Variants in SLC24A3 observed in about 807,000 individuals in gnomAD.
SLC24A3 encodes the protein solute carrier family 24 member 3.
A neutral mutation model predicts 75.8 loss-of-function variants in SLC24A3; 28 were observed. The observed-to-expected ratio is 0.37, with a 90% CI of 0.27 to 0.51. The LOEUF (loss-of-function observed/expected upper bound fraction) is 0.51. SLC24A3 is among the 20% of genes least tolerant of loss of function. The probability of loss-of-function intolerance (pLI) is 0.94; values close to 1 mark genes in which losing one functional copy is unlikely to be tolerated. For missense variants in SLC24A3, 663 were observed against 847.8 expected (o/e 0.78, Z 2.71); for synonymous variants, 372 against 334.1 (o/e 1.11, Z -1.24).
chr20:19,712,136 AG>A (rs1555808808), intron 15 of SLC24A3, among the ~76,000 whole-genome samples: 4 of 151,842 alleles, frequency 2.6e-5, no homozygotes, highest in Non-Finnish European at 5.9e-5. Flanking sequence ...TTTTTTGTAG[AG>A]TTGAGGTCTC....
intron 3 of SLC24A3, among the ~76,000 whole-genome samples, chr20:19,577,357 C>T (rs533566507): frequency 2.1e-4 from 32 of 152,226 alleles, no homozygotes; most frequent in African/African-American, 6.3e-4. Flanking sequence ...GCCCGTTAAT[C>T]GACATTTTTA....
chr20:19,582,657 C>G (rs2031234902), intron 4 of SLC24A3, among the ~76,000 whole-genome samples: 1 of 152,156 alleles, frequency 6.6e-6, no homozygotes, highest in Admixed American at 6.5e-5. Context: ...AATGACAGCC[C>G]CTAGATTTTG....
chr20:19,299,994 C>G (rs1389176379), intron 2 of SLC24A3, among the ~76,000 whole-genome samples: 1 of 152,192 alleles, frequency 6.6e-6, no homozygotes, highest in Non-Finnish European at 1.5e-5. Flanking sequence ...GTGGACACAT[C>G]CAACTCAGTG....
intron 2 of SLC24A3, among the ~76,000 whole-genome samples, chr20:19,461,695 G>A (rs1987678548): frequency 6.6e-6 from 1 of 151,650 alleles, no homozygotes; most frequent in Admixed American, 6.6e-5. Flanking sequence ...ACCACACCTG[G>A]CTAATTTTTG....
chr20:19,550,112 A>G (rs777222451), intron 3 of SLC24A3, among the ~76,000 whole-genome samples: 2 of 152,182 alleles, frequency 1.3e-5, no homozygotes, highest in African/African-American at 2.4e-5. Context: ...AATACAAAGA[A>G]AAGCTTTGAG....
At chr20:19,599,708 G>A (rs2031501201) in intron 6 of SLC24A3, among the ~76,000 whole-genome samples, 1 of 152,190 alleles carries the variant, frequency 6.6e-6, no homozygotes, top group Non-Finnish European at 1.5e-5. Flanking sequence ...GGACTAAATG[G>A]AATTTGAGGC....
At chr20:19,699,300 A>G (rs1192677644) in intron 15 of SLC24A3, among the ~76,000 whole-genome samples, 1 of 152,232 alleles carries the variant, frequency 6.6e-6, no homozygotes, top group Admixed American at 6.5e-5. Flanking sequence ...GGCCACTGAA[A>G]GGGCAACGCC....
chr20:19,293,251 G>A (rs1355542714), intron 2 of SLC24A3, among the ~76,000 whole-genome samples: 1 of 152,108 alleles, frequency 6.6e-6, no homozygotes, highest in Non-Finnish European at 1.5e-5. Flanking sequence ...AGGAAGGAGA[G>A]TTGTAACGCA....
At chr20:19,410,659 G>A (rs1268372501) in intron 2 of SLC24A3, among the ~76,000 whole-genome samples, 1 of 152,108 alleles carries the variant, frequency 6.6e-6, no homozygotes. Context: ...TTTGGTTTTG[G>A]TCATAGCCCC....
At chr20:19,685,631 G>A (rs550564127) in intron 12 of SLC24A3, among the ~76,000 whole-genome samples, 1 of 152,094 alleles carries the variant, frequency 6.6e-6, no homozygotes, top group Non-Finnish European at 1.5e-5. Context: ...ATTTGTTCTA[G>A]GTCCTGCTCA....
At chr20:19,673,487 T>TA in intron 8 of SLC24A3, 114 bp from the exon 9 acceptor site, 1 of 844,540 alleles carries the variant, frequency 1.2e-6, no homozygotes, top group Non-Finnish European at 2.0e-6. Flanking sequence ...CCTAGCACCG[T>TA]CTGCCTTCTC....
At chr20:19,604,323 G>T (rs1358086825) in intron 6 of SLC24A3, among the ~76,000 whole-genome samples, 1 of 152,158 alleles carries the variant, frequency 6.6e-6, no homozygotes, top group African/African-American at 2.4e-5. Flanking sequence ...TGAGACCCTA[G>T]TGGTATGAAG....
chr20:19,343,430 G>T (rs774749106), intron 2 of SLC24A3, among the ~76,000 whole-genome samples: 23 of 152,198 alleles, frequency 1.5e-4, no homozygotes, highest in Admixed American at 1.2e-3. Flanking sequence ...ATTAACACAC[G>T]TGAAGCAATT....
intron 2 of SLC24A3, among the ~76,000 whole-genome samples, chr20:19,453,907 A>G (rs1987535024): frequency 1.3e-5 from 2 of 152,212 alleles, no homozygotes; most frequent in South Asian, 4.1e-4. Context: ...CTGCCTCAAA[A>G]AAGACTGAAA....
At chr20:19,390,943 G>A (rs1986354987) in intron 2 of SLC24A3, among the ~76,000 whole-genome samples, 1 of 152,174 alleles carries the variant, frequency 6.6e-6, no homozygotes, top group East Asian at 1.9e-4. Context: ...TAGCAGGTCT[G>A]AGGGCTGAGA....
chr20:19,291,087 C>G (rs977664080), intron 2 of SLC24A3, among the ~76,000 whole-genome samples: 2 of 152,236 alleles, frequency 1.3e-5, no homozygotes, highest in Non-Finnish European at 2.9e-5. Flanking sequence ...TGCCTCAGCA[C>G]TTGCCACTCC....
rs752115491 is a variant in SLC24A3, at chr20:19,682,026, G to C, written c.901+35G>C. The C allele has an allele frequency of 2.1e-4, 344 of 1,609,372 alleles. 1 individual carries two copies. In the South Asian group the frequency reaches 3.6e-3, roughly 17 times the overall value. Reference sequence around the variant, plus strand: ...GAGAGCACTTTGGGGTCCAAGGCAGGAGGATCAATTGAGGCCAGGAGTTCA... The same window carrying C: ...GAGAGCACTTTGGGGTCCAAGGCAGCAGGATCAATTGAGGCCAGGAGTTCA... On this transcript the variant is annotated intron_variant, in intron 10 of 16. Coordinates refer to ENST00000328041, the MANE Select transcript of SLC24A3 (RefSeq NM_020689.4).
At chr20:19,621,809 A>G (rs2031808108) in intron 6 of SLC24A3, among the ~76,000 whole-genome samples, 1 of 151,712 alleles carries the variant, frequency 6.6e-6, no homozygotes, top group Non-Finnish European at 1.5e-5. Context: ...CTTCCCTGGA[A>G]CCCCTGGCTC....
intron 3 of SLC24A3, among the ~76,000 whole-genome samples, chr20:19,578,333 G>A (rs760499173): frequency 1.3e-5 from 2 of 151,290 alleles, no homozygotes; most frequent in East Asian, 1.9e-4. Context: ...GTATGCATGC[G>A]TGTGTGTGTG....
Sources: gnomAD v4.1 joint callset for allele counts (sites outside exome capture counted in the v4.1 genomes callset) on GRCh38, gnomAD v4.1.1 for gene constraint, MANE v1.5 for transcripts, NCBI Gene and HGNC (gene_info 2026-07-23, HGNC 2026-07-21) for gene names.